Variants in HFM1 observed in about 807,000 individuals in gnomAD.
The protein encoded by HFM1 is probable ATP-dependent DNA helicase HFM1.
Under a neutral mutation model 192.1 loss-of-function variants are expected in HFM1, and 169 were observed. The observed-to-expected ratio is 0.88, with a 90% CI of 0.78 to 1.00. HFM1 has a LOEUF of 1.00. Among genes scored for constraint, HFM1 ranks in the 50% least tolerant of loss-of-function variants. HFM1 has a pLI of 0.00. For missense variants in HFM1, 1,661 were observed against 1,668.0 expected, an observed-to-expected ratio of 1.00 and a Z score of 0.07; for synonymous variants, 525 against 537.8, an observed-to-expected ratio of 0.98 and a Z score of 0.33.
At chr1:91,363,656 A>G (rs1000451458) in intron 13 of HFM1, among the ~76,000 whole-genome samples, 1 of 152,192 alleles carries the variant, frequency 6.6e-6, no homozygotes, top group African/African-American at 2.4e-5. Flanking sequence ...AACCAGAAAT[A>G]CCATTTGACC....
At chr1:91,324,569 T>G in intron 21 of HFM1, 106 bp downstream of exon 21, 1 of 630,308 alleles carries the variant, frequency 1.6e-6, no homozygotes, top group South Asian at 2.0e-5. Context: ...CTTTCTTTTC[T>G]GCTCATTCAT....
chr1:91,325,910 G>A (rs777312430), intron 20 of HFM1, among the ~76,000 whole-genome samples: 1 of 152,000 alleles, frequency 6.6e-6, no homozygotes, highest in Non-Finnish European at 1.5e-5. Flanking sequence ...CAAAGAGATT[G>A]AAATAATTAA....
At position 91,291,602 on chromosome 1, in the gene HFM1, T is replaced by C. The variant is rs941468359; in HGVS notation, c.3392-14540A>G. ...AAGAGTCCAGGACCAGATGGATTCA[T>C]AGCCGAATTCTACCAGAGGTACAAG... On this transcript the variant is annotated intron_variant, in intron 30 of 38. Transcript: ENST00000370425. Among the ~76,000 whole-genome samples the C allele has an allele frequency of 1.4e-4, 21 of 152,266 alleles. No individual in the cohort carries two copies. In the East Asian group the frequency reaches 2.3e-3, roughly 17 times the overall value.
At chr1:91,303,935 T>A (rs572726768) in intron 30 of HFM1, among the ~76,000 whole-genome samples, 1 of 152,246 alleles carries the variant, frequency 6.6e-6, no homozygotes, top group East Asian at 1.9e-4. Flanking sequence ...AACCTCTACC[T>A]CCTGAGTTCA....
chr1:91,344,403 G>C (rs1302628653), intron 19 of HFM1, among the ~76,000 whole-genome samples: 2 of 152,160 alleles, frequency 1.3e-5, no homozygotes, highest in African/African-American at 4.8e-5. Context: ...TAAAGATTTT[G>C]AAGTCTTTTC....
At chr1:91,311,830 G>A (rs1481989283) in intron 30 of HFM1, among the ~76,000 whole-genome samples, 1 of 152,164 alleles carries the variant, frequency 6.6e-6, no homozygotes, top group Non-Finnish European at 1.5e-5. Flanking sequence ...AGGCCTGGAG[G>A]CCCAGGAGGA....
intron 28 of HFM1, 39 bp downstream of exon 28, chr1:91,315,776 C>T: frequency 2.0e-6 from 3 of 1,516,036 alleles, no homozygotes; most frequent in Middle Eastern, 2.2e-4. Flanking sequence ...ACAGTATATG[C>T]TTAGAAATAA....
upstream of HFM1, among the ~76,000 whole-genome samples, chr1:91,405,553 T>C (rs1664761037): frequency 1.3e-5 from 2 of 152,204 alleles, no homozygotes; most frequent in South Asian, 4.1e-4. Flanking sequence ...ATTCCTGTTC[T>C]CTTTTTTCTT....
intron 20 of HFM1, among the ~76,000 whole-genome samples, chr1:91,328,182 G>A (rs1653205497): frequency 6.6e-6 from 1 of 152,152 alleles, no homozygotes; most frequent in South Asian, 2.1e-4. Context: ...AAAAATGTTG[G>A]TTTCTAGAAA....
chr1:91,345,912 A>G (rs1431767371), intron 19 of HFM1, among the ~76,000 whole-genome samples: 3 of 152,202 alleles, frequency 2.0e-5, no homozygotes, highest in African/African-American at 7.2e-5. Context: ...CTTTTTGTCC[A>G]GTCATGTTTC....
Position 91,364,629 on chromosome 1 carries a change from TA to T in HFM1, c.1685+10728del, listed in dbSNP as rs71584999. On this transcript the variant is annotated intron_variant, in intron 13 of 38. Coordinates refer to ENST00000370425, the MANE Select transcript of HFM1 (RefSeq NM_001017975.6). ...ATACATATATATATATATATATATA[TA>T]TATTTTTTTTTTTTTTTTGAGACAG... Among the ~76,000 whole-genome samples the T allele has an allele frequency of 5.6e-3, 275 of 49,320 alleles. 1 individual carries two copies. The highest frequency in any genetic ancestry group is 7.5e-3 in the African/African-American group (95 of 12,684). The allele number at this position is 49,320 out of a possible 152,430, so 32.4% of individuals were successfully genotyped here.
chr1:91,294,008 A>G (rs560872574), intron 30 of HFM1, among the ~76,000 whole-genome samples: 131 of 142,996 alleles, frequency 9.2e-4, no homozygotes, highest in African/African-American at 3.4e-3. Flanking sequence ...ATGAGAACAC[A>G]TGGACACAGG....
intron 30 of HFM1, among the ~76,000 whole-genome samples, chr1:91,291,092 G>A (rs1221772182): frequency 6.6e-6 from 1 of 152,038 alleles, no homozygotes; most frequent in Non-Finnish European, 1.5e-5. Flanking sequence ...GCCCACAATA[G>A]AAAGCAGAAA....
intron 21 of HFM1, among the ~76,000 whole-genome samples, 187 bp downstream of exon 21, chr1:91,324,488 T>C (rs1652587415): frequency 6.6e-6 from 1 of 152,220 alleles, no homozygotes; most frequent in African/African-American, 2.4e-5. Context: ...ACAGAAAATA[T>C]AATATATTCT....
At chr1:91,352,300 T>A (rs1363245566) in intron 16 of HFM1, among the ~76,000 whole-genome samples, 2 of 151,376 alleles carry the variant, frequency 1.3e-5, no homozygotes, top group Non-Finnish European at 3.0e-5. Flanking sequence ...CATCCCCTCA[T>A]CAGCCAAGAC....
At chr1:91,347,216 G>T (rs1214239542) in intron 19 of HFM1, among the ~76,000 whole-genome samples, 2 of 152,078 alleles carry the variant, frequency 1.3e-5, no homozygotes, top group Non-Finnish European at 1.5e-5. Context: ...ATTATACAAA[G>T]AAAGATATTC....
At chr1:91,396,547 C>T (rs1326644845) in intron 2 of HFM1, 142 bp from the exon 3 acceptor site, 7 of 507,654 alleles carry the variant, frequency 1.4e-5, no homozygotes, top group Non-Finnish European at 2.5e-5. Context: ...TATCCCTATA[C>T]AGCAGTGTTC....
chr1:91,383,359 C>G (rs1268914049), intron 6 of HFM1, among the ~76,000 whole-genome samples: 1 of 152,118 alleles, frequency 6.6e-6, no homozygotes, highest in African/African-American at 2.4e-5. Context: ...ATGTTTCCAT[C>G]CTATTTTGAT....
intron 4 of HFM1, among the ~76,000 whole-genome samples, chr1:91,387,880 A>T (rs1219176963): frequency 6.7e-6 from 1 of 148,340 alleles, no homozygotes; most frequent in African/African-American, 2.5e-5. Flanking sequence ...ACTAACCTGC[A>T]CAATGTGCAC....
Sources: allele counts gnomAD v4.1 joint callset (sites outside exome capture counted in the v4.1 genomes callset), GRCh38; gene constraint gnomAD v4.1.1; transcripts MANE v1.5; gene names NCBI Gene and HGNC (gene_info 2026-07-23, HGNC 2026-07-21).